GSN: variants seen among roughly 807,000 people sequenced by gnomAD.
The protein encoded by GSN is actin-depolymerizing factor.
In GSN, 56 loss-of-function variants were observed where a neutral mutation model predicts 85.7. The ratio of observed to expected loss-of-function variants is 0.65; its 90% CI spans 0.53 to 0.82. The LOEUF (loss-of-function observed/expected upper bound fraction) is 0.82. GSN is among the 40% of genes least tolerant of loss of function. The pLI is 0.00. For synonymous variants in GSN, 373 were observed against 399.1 expected (o/e 0.93, Z 0.78); for missense variants, 857 against 979.8 (o/e 0.87, Z 1.67).
At chr9:121,304,684 AT>A (rs761540819) in intron 4 of GSN, among the ~76,000 whole-genome samples, 1 of 152,222 alleles carries the variant, frequency 6.6e-6, no homozygotes, top group Non-Finnish European at 1.5e-5. Context: ...GGTACTGGGA[AT>A]GTAGGTTATC....
At chr9:121,228,416 ATATATATATTTTTT>A (rs1167622018) in intron 4 of GSN, among the ~76,000 whole-genome samples, 1 of 60,390 alleles carries the variant, frequency 1.7e-5, no homozygotes, top group Non-Finnish European at 2.9e-5. Flanking sequence ...ATATATATAT[ATATATATATTTTTT>A]TTTTTTTTTT....
chr9:121,322,416 G>A (rs1756947695), intron 11 of GSN, among the ~76,000 whole-genome samples: 1 of 152,186 alleles, frequency 6.6e-6, no homozygotes, highest in South Asian at 2.1e-4. Context: ...TTGGGTGGCT[G>A]TACTATAGTT....
chr9:121,326,273 A>G (rs1026681204), intron 12 of GSN, among the ~76,000 whole-genome samples: 1 of 151,952 alleles, frequency 6.6e-6, no homozygotes, highest in African/African-American at 2.4e-5. Flanking sequence ...TCAGGAAGGC[A>G]TGTCGTCATG....
intron 10 of GSN, 144 bp from the exon 11 acceptor site, chr9:121,321,124 A>AC: frequency 1.1e-6 from 1 of 921,416 alleles, no homozygotes; most frequent in South Asian, 1.3e-5. Flanking sequence ...AGTTGGGCAA[A>AC]CCATTTAACT....
intron 5 of GSN, among the ~76,000 whole-genome samples, chr9:121,238,487 C>T (rs1041079284): frequency 2.6e-5 from 4 of 152,250 alleles, no homozygotes; most frequent in Non-Finnish European, 4.4e-5. Flanking sequence ...AAAAGCTTCA[C>T]TGTCAGCTTC....
chr9:121,320,719 T>C (rs2062328362), intron 10 of GSN, among the ~76,000 whole-genome samples: 1 of 151,334 alleles, frequency 6.6e-6, no homozygotes, highest in South Asian at 2.1e-4. Context: ...AATGGTGATA[T>C]TAGTAAGATA....
chr9:121,202,844 C>T (rs1439722489), upstream of GSN, among the ~76,000 whole-genome samples: 7 of 152,124 alleles, frequency 4.6e-5, no homozygotes, highest in Non-Finnish European at 1.0e-4. Context: ...GAATGTAAGC[C>T]GGCCGGGCGC....
At chr9:121,326,000 G>C (rs971685694) in intron 12 of GSN, among the ~76,000 whole-genome samples, 3 of 151,584 alleles carry the variant, frequency 2.0e-5, no homozygotes, top group African/African-American at 7.3e-5. Flanking sequence ...CGCACACAGG[G>C]CAGGAGCAGA....
At chr9:121,282,732 A>C (rs1050512489) in intron 2 of GSN, 3 of 410,912 alleles carry the variant, frequency 7.3e-6, no homozygotes, top group East Asian at 3.6e-5. Flanking sequence ...CTTGGCTCTG[A>C]TGCATCTGCC....
At chr9:121,241,014 A>G (rs1047015685) in intron 5 of GSN, among the ~76,000 whole-genome samples, 2 of 152,214 alleles carry the variant, frequency 1.3e-5, no homozygotes, top group Admixed American at 6.5e-5. Context: ...AAGGGAATCA[A>G]CTGAAAAGCT....
At chr9:121,265,936 CAGG>C (rs1445906569), upstream of GSN, among the ~76,000 whole-genome samples, 5 of 152,138 alleles carry the variant, frequency 3.3e-5, no homozygotes, top group Admixed American at 6.5e-5. Context: ...AGCAAAGCAC[CAGG>C]AGATTTCTAG....
intron 2 of GSN, among the ~76,000 whole-genome samples, chr9:121,297,583 T>C (rs956542030): frequency 5.9e-5 from 9 of 152,182 alleles, no homozygotes; most frequent in Admixed American, 3.3e-4. Context: ...ACAGGCACCA[T>C]TGTAAAAAGG....
chr9:121,293,778 A>C (rs2058937764), intron 2 of GSN, among the ~76,000 whole-genome samples: 1 of 151,960 alleles, frequency 6.6e-6, no homozygotes, highest in African/African-American at 2.4e-5. Flanking sequence ...ATAGAAACTT[A>C]TCCAAGTCTC....
At chr9:121,269,786 A>G (rs2055655051) in intron 1 of GSN, among the ~76,000 whole-genome samples, 1 of 152,172 alleles carries the variant, frequency 6.6e-6, no homozygotes, top group Non-Finnish European at 1.5e-5. Flanking sequence ...CAGTCCTTTT[A>G]TTAGGGACTA....
chr9:121,231,242 A>G (rs1420569673), exon 5 of GSN: 1 of 152,220 alleles, frequency 6.6e-6, no homozygotes, highest in Non-Finnish European at 1.5e-5. Context: ...GTGAAGGTGG[A>G]AGAGTACTCT....
chr9:121,319,248 G>A (rs1420482276), intron 10 of GSN, among the ~76,000 whole-genome samples: 2 of 152,172 alleles, frequency 1.3e-5, no homozygotes, highest in Non-Finnish European at 2.9e-5. Context: ...TCTCAGAGGA[G>A]GAGTAGAGCT....
At chr9:121,209,646 T>C (rs113545444) in intron 2 of GSN, among the ~76,000 whole-genome samples, 6 of 152,210 alleles carry the variant, frequency 3.9e-5, no homozygotes, top group African/African-American at 1.4e-4. Context: ...CAGCAGCATT[T>C]AATACCTATG....
Position 121,210,610 on chromosome 9 carries a change from C to G in GSN, c.-611-174C>G, listed in dbSNP as rs140119397. Among the ~76,000 whole-genome samples, 43 of 152,286 alleles carry G rather than the reference C, an allele frequency of 2.8e-4. 1 individual carries two copies. The South Asian group carries it at 8.7e-3, about 31-fold the overall frequency. ...TCTGTGAAATGGAGATACCAGCACC[C>G]GTCCTGTGAACCTTACAGAGAAGGG... On this transcript the variant is annotated intron_variant, in intron 3 of 24. Transcript: ENST00000373823.
At chr9:121,302,276 C>CTCAA in intron 3 of GSN, 109 bp downstream of exon 3, 5 of 1,281,138 alleles carry the variant, frequency 3.9e-6, no homozygotes, top group Non-Finnish European at 5.6e-6. Flanking sequence ...CTAGTATGTG[C>CTCAA]TGGGCCCTTG....
Sources: allele counts gnomAD v4.1 joint callset (sites outside exome capture counted in the v4.1 genomes callset), GRCh38; gene constraint gnomAD v4.1.1; transcripts MANE v1.5; gene names NCBI Gene and HGNC (gene_info 2026-07-23, HGNC 2026-07-21).